The following RAB30 variants were observed in gnomAD, a reference collection of about 807,000 sequenced individuals.
The protein encoded by RAB30 is ras-related protein Rab-30.
RAB30 carries 9 observed loss-of-function variants against 25.1 expected under a neutral mutation model. That is an observed-to-expected ratio of 0.36 (90% confidence interval 0.22 to 0.63). The LOEUF is 0.63. RAB30 is among the 20% of genes least tolerant of loss of function. The pLI is 0.69. For missense variants in RAB30, 140 were observed against 243.5 expected (o/e 0.58, Z 2.83); for synonymous variants, 77 against 86.4 (o/e 0.89, Z 0.60).
At chr11:83,032,615 C>G (rs1857893427) in intron 1 of RAB30, among the ~76,000 whole-genome samples, 2 of 152,216 alleles carry the variant, frequency 1.3e-5, no homozygotes, top group Non-Finnish European at 2.9e-5. Context: ...CAAACATGTG[C>G]TACTGCATCT....
At chr11:83,071,026 G>A (rs1443721129) in intron 1 of RAB30, among the ~76,000 whole-genome samples, 1 of 152,158 alleles carries the variant, frequency 6.6e-6, no homozygotes, top group Non-Finnish European at 1.5e-5. Context: ...GTCGGAGAAC[G>A]GAAAACATTT....
At chr11:83,030,323 C>A (rs569711416) in intron 1 of RAB30, among the ~76,000 whole-genome samples, 2 of 148,938 alleles carry the variant, frequency 1.3e-5, no homozygotes, top group African/African-American at 5.0e-5. Flanking sequence ...ATGGTGAGAC[C>A]GCATCTCTTC....
chr11:83,001,761 G>A (rs966776400), intron 1 of RAB30, among the ~76,000 whole-genome samples: 3 of 152,072 alleles, frequency 2.0e-5, no homozygotes, highest in Non-Finnish European at 4.4e-5. Flanking sequence ...CCATTCAAAA[G>A]CATTTACACC....
chr11:83,068,343 C>T (rs975967397), intron 1 of RAB30, among the ~76,000 whole-genome samples: 10 of 151,914 alleles, frequency 6.6e-5, no homozygotes, highest in South Asian at 2.1e-4. Flanking sequence ...AACCCTCTGT[C>T]ACCACCCTAG....
chr11:82,993,908 G>A, intron 3 of RAB30, 131 bp downstream of exon 3: 2 of 663,300 alleles, frequency 3.0e-6, no homozygotes, highest in South Asian at 5.1e-5. Flanking sequence ...CTGGAAATAA[G>A]CCATTATGGC....
rs1411854931 is a variant in RAB30 at position 82,974,469 on chromosome 11, TATG to T, written c.*7693_*7695del. 1 of 152,268 alleles carries T rather than the reference TATG, an allele frequency of 6.6e-6. No homozygotes were observed. The highest frequency in any genetic ancestry group is 6.5e-5 in the Admixed American group (1 of 15,292). The allele number at this position is 152,268 out of a possible 1,614,324, so 9.4% of individuals were successfully genotyped here. A position where few individuals can be genotyped will look rare whatever the true frequency, so the allele number is the denominator to read the frequency against. ...AAGATCAATATATGAACACATAAAA[TATG>T]ATGTAGTATACTGTTAATATTTGCA... On this transcript the variant is annotated 3_prime_UTR_variant, in exon 5 of 5. Coordinates refer to ENST00000527633, the MANE Select transcript of RAB30 (RefSeq NM_001286060.2).
At chr11:83,012,658 GAATT>G (rs1395040331) in intron 1 of RAB30, among the ~76,000 whole-genome samples, 2 of 152,130 alleles carry the variant, frequency 1.3e-5, no homozygotes, top group Non-Finnish European at 2.9e-5. Context: ...CAGATTAAAG[GAATT>G]AATACAATAA....
At position 82,974,126 on chromosome 11, in the gene RAB30, G is replaced by A. The variant is rs1470114372; in HGVS notation, c.*8039C>T. The stretch of plus-strand genomic sequence containing the variant: ...GAGGAGGAGTGATTGCAAATGGTAT[G>A]GGGTTTCTTTTGGAGGTGATGAAAG... On this transcript the variant is annotated 3_prime_UTR_variant, in exon 5 of 5. Transcript: ENST00000527633. 2 of 152,122 alleles carry A rather than the reference G, an allele frequency of 1.3e-5. No individual in the cohort carries two copies. The highest frequency in any genetic ancestry group is 2.9e-5 in the Non-Finnish European group (2 of 68,014). 9.4% of individuals were successfully genotyped at this position (152,122 alleles called of 1,614,324 possible).
chr11:82,974,372 CAGA>C lies in RAB30; in HGVS notation c.*7790_*7792del. ...AATTTTTCATACAATCACCTTTCTACAGAAGGTTTTCAGCTAATTGGACTCGGG... is the reference window on the plus strand; with the variant it reads ...AATTTTTCATACAATCACCTTTCTACAGGTTTTCAGCTAATTGGACTCGGG... On this transcript the variant is annotated 3_prime_UTR_variant, in exon 5 of 5. Coordinates refer to ENST00000527633, the MANE Select transcript of RAB30 (RefSeq NM_001286060.2). 6.6e-6 allele frequency: 1 copy of C among 152,102 alleles called. No individual in the cohort carries two copies. The highest frequency in any genetic ancestry group is 1.9e-4 in the East Asian group (1 of 5,200). The allele number at this position is 152,102 out of a possible 1,614,324, so 9.4% of individuals were successfully genotyped here.
At chr11:83,065,231 A>T (rs1289146922) in intron 1 of RAB30, among the ~76,000 whole-genome samples, 1 of 152,088 alleles carries the variant, frequency 6.6e-6, no homozygotes, top group Non-Finnish European at 1.5e-5. Flanking sequence ...CTACAAAAAA[A>T]AAATTTAATT....
chr11:83,051,625 G>A (rs1206048192), intron 1 of RAB30, among the ~76,000 whole-genome samples: 4 of 151,610 alleles, frequency 2.6e-5, no homozygotes, highest in East Asian at 1.9e-4. Flanking sequence ...GACAGTCCAC[G>A]AAAGACCCTT....
chr11:83,001,725 A>G (rs1857089467), intron 1 of RAB30, among the ~76,000 whole-genome samples: 1 of 152,194 alleles, frequency 6.6e-6, no homozygotes, highest in Non-Finnish European at 1.5e-5. Flanking sequence ...GTGATGAGAC[A>G]GCGTTTCCCC....
intron 1 of RAB30, among the ~76,000 whole-genome samples, chr11:83,010,598 G>T (rs1212768551): frequency 6.6e-6 from 1 of 152,064 alleles, no homozygotes; most frequent in Admixed American, 6.5e-5. Flanking sequence ...GCTCAATAGT[G>T]GGGAGGGAAA....
chr11:83,014,756 AAGAG>A (rs755813452), intron 1 of RAB30, among the ~76,000 whole-genome samples: 10 of 151,654 alleles, frequency 6.6e-5, no homozygotes, highest in Admixed American at 2.6e-4. Flanking sequence ...AAAAGAATGA[AAGAG>A]AGAGAAAGAA....
chr11:83,051,907 C>A (rs936613892), intron 1 of RAB30, among the ~76,000 whole-genome samples: 2 of 152,172 alleles, frequency 1.3e-5, no homozygotes, highest in African/African-American at 4.8e-5. Flanking sequence ...AATAATTACT[C>A]TGGGGTAAAT....
At chr11:83,055,838 G>C (rs1392438367) in intron 1 of RAB30, among the ~76,000 whole-genome samples, 1 of 152,176 alleles carries the variant, frequency 6.6e-6, no homozygotes, top group Non-Finnish European at 1.5e-5. Flanking sequence ...CCATCCAAAG[G>C]GCACAAGAGT....
intron 1 of RAB30, among the ~76,000 whole-genome samples, chr11:83,068,598 C>T (rs1858761489): frequency 6.6e-6 from 1 of 152,160 alleles, no homozygotes; most frequent in Admixed American, 6.5e-5. Context: ...AGCCTCTGCC[C>T]ACCTCTCCAG....
At chr11:83,048,199 T>A (rs1338999015) in intron 1 of RAB30, among the ~76,000 whole-genome samples, 1 of 151,956 alleles carries the variant, frequency 6.6e-6, no homozygotes, top group Non-Finnish European at 1.5e-5. Flanking sequence ...GCCTAGAAGG[T>A]TTAAAAAGAA....
At chr11:83,011,296 G>A (rs575710167) in intron 1 of RAB30, among the ~76,000 whole-genome samples, 10 of 152,210 alleles carry the variant, frequency 6.6e-5, no homozygotes, top group African/African-American at 2.4e-4. Context: ...GATCGTTGTT[G>A]TAATCGCATC....
Sources: allele counts gnomAD v4.1 joint callset (sites outside exome capture counted in the v4.1 genomes callset), GRCh38; gene constraint gnomAD v4.1.1; transcripts MANE v1.5; gene names NCBI Gene and HGNC (gene_info 2026-07-23, HGNC 2026-07-21).